TBC1D10B: variants seen among roughly 807,000 people sequenced by gnomAD.
TBC1D10B encodes the protein TBC1 domain family member 10B.
A neutral mutation model predicts 78.4 loss-of-function variants in TBC1D10B; 25 were observed. The observed-to-expected ratio is 0.32, with a 90% confidence interval of 0.23 to 0.45. The LOEUF is 0.45. Ranked by LOEUF, TBC1D10B falls within the 20% of genes least tolerant of loss-of-function variation. The pLI is 1.00. For missense variants in TBC1D10B, 996 were observed against 1,104.8 expected, an observed-to-expected ratio of 0.90 and a Z score of 1.40; for synonymous variants, 517 against 478.0, an observed-to-expected ratio of 1.08 and a Z score of -1.06.
At chr16:30,361,550 C>G (rs1005658819) in intron 4 of TBC1D10B, among the ~76,000 whole-genome samples, 3 of 151,980 alleles carry the variant, frequency 2.0e-5, no homozygotes, top group Non-Finnish European at 2.9e-5. Flanking sequence ...CTGCCTCAGC[C>G]TCCCTATAAA....
intron 5 of TBC1D10B, 24 bp downstream of exon 5, chr16:30,359,703 C>A: frequency 6.4e-7 from 1 of 1,558,630 alleles, no homozygotes. Context: ...CCTGCCCCTC[C>A]CGGCCCAGGA....
chr16:30,365,210 C>T lies in TBC1D10B; in HGVS notation c.1059G>A (p.Val353=). The T allele has an allele frequency of 6.2e-7, 1 of 1,613,798 alleles. No homozygotes were observed. The highest frequency in any genetic ancestry group is 2.2e-5 in the East Asian group (1 of 44,894). The change falls in exon 3 of 9, where the codon GTG becomes GTA. Residue 353 remains valine (V), a splice_region_variant and synonymous_variant. Coordinates refer to ENST00000409939, the MANE Select transcript of TBC1D10B (RefSeq NM_015527.4). The surrounding 1 kb of genome is among the most constrained non-coding windows in gnomAD (Gnocchi z 5.0). ...GGATCCCCTTCCGGCAGCGCAGCTT[C>T]ACCTAAGGCAAAGTGGCAGGAGGGG... ...DKWLSRRFQK[V]KLRCRKGIPS...
intron 1 of TBC1D10B, among the ~76,000 whole-genome samples, chr16:30,368,190 G>A (rs1340183888): frequency 1.3e-5 from 2 of 152,122 alleles, no homozygotes; most frequent in African/African-American, 4.8e-5. Context: ...ACCCTGCCTG[G>A]AAAACTCTCC....
Position 30,364,990 on chromosome 16 carries a change from G to A in TBC1D10B, c.1181C>T (p.Pro394Leu), listed in dbSNP as rs903956196. ...CACATCCAGCCACTTGGGGTCCCCA[G>A]GAGCCCGTTCCAGCTCCTGCAGTGG... is the stretch of plus-strand genomic sequence containing the variant. ...PGKFEELERAPGDPKWLDVIE... is the reference protein window; with the variant it reads ...PGKFEELERALGDPKWLDVIE... The change falls in exon 4 of 9, where the codon CCT (proline) becomes CTT (leucine). Residue 394 changes from proline (P) to leucine (L), a missense_variant. By Grantham distance (98) the Pro-to-Leu change is moderately conservative (BLOSUM62 -3). Coordinates refer to ENST00000409939, the MANE Select transcript of TBC1D10B (RefSeq NM_015527.4). 2 of 1,613,326 alleles carry A rather than the reference G, an allele frequency of 1.2e-6. No individual in the cohort carries two copies. The highest frequency in any genetic ancestry group is 1.3e-5 in the African/African-American group (1 of 74,988).
rs776610328 is a variant in TBC1D10B, at chr16:30,365,078, G to A, written c.1164+27C>T. 1.2e-6 allele frequency: 2 copies of A among 1,612,770 alleles called. No individual in the cohort carries two copies. The highest frequency in any genetic ancestry group is 1.7e-6 in the Non-Finnish European group (2 of 1,178,812). ...ACCCCTTGCACAGACAGGGCCACAT[G>A]TCCCCACACCTTGGAGCTGCACGCA... On this transcript the variant is annotated intron_variant, in intron 3 of 8. Coordinates refer to ENST00000409939, the MANE Select transcript of TBC1D10B (RefSeq NM_015527.4). This position sits in a 1 kb window ranked among gnomAD's most constrained non-coding sequence, Gnocchi z 5.0.
intron 1 of TBC1D10B, among the ~76,000 whole-genome samples, chr16:30,368,675 T>A (rs979015728): frequency 7.2e-5 from 11 of 152,148 alleles, no homozygotes; most frequent in African/African-American, 2.7e-4. Context: ...AAGACTGCCC[T>A]GTTTCACAGC....
In TBC1D10B at chr16:30,359,427, C is replaced by T. The variant is rs1302035727; in HGVS notation, c.1453-66G>A. On this transcript the variant is annotated intron_variant, in intron 6 of 8. Transcript: ENST00000409939. ...TGTGCCCCCATCAGGGGAGAACTGG[C>T]CGGCCCTGTGGGCAGAAGCCGGGAA... The T allele has an allele frequency of 2.6e-6, 4 of 1,545,754 alleles. No individual in the cohort carries two copies. The East Asian group carries it at 9.8e-5, about 38-fold the overall frequency.
In TBC1D10B at chr16:30,365,297, T is replaced by C; in HGVS notation, c.1057-85A>G. ...CCCAGCAGTCCACAAACTCCCTGGA[T>C]ACTCCTCCGACATCCCATAGGCTTG... On this transcript the variant is annotated intron_variant, in intron 2 of 8. Coordinates refer to ENST00000409939, the MANE Select transcript of TBC1D10B (RefSeq NM_015527.4). The surrounding 1 kb of genome is among the most constrained non-coding windows in gnomAD (Gnocchi z 5.0). 5 of 1,330,298 alleles carry C rather than the reference T, an allele frequency of 3.8e-6. No individual in the cohort carries two copies. Among genetic ancestry groups the C allele is most frequent in the Non-Finnish European group, 5.3e-6 (5 of 935,328 alleles). 82.4% of individuals were successfully genotyped at this position (1,330,298 alleles called of 1,614,324 possible). A position where few individuals can be genotyped will look rare whatever the true frequency, so the allele number is the denominator to read the frequency against.
intron 4 of TBC1D10B, chr16:30,360,347 C>T (rs574214953): frequency 6.4e-4 from 103 of 159,982 alleles, no homozygotes; most frequent in Non-Finnish European, 1.2e-3. Context: ...CTTGAGGGTG[C>T]CCCACTGCCG....
intron 4 of TBC1D10B, among the ~76,000 whole-genome samples, chr16:30,362,300 A>T (rs1183069975): frequency 1.3e-5 from 2 of 152,188 alleles, no homozygotes; most frequent in African/African-American, 4.8e-5. Flanking sequence ...ACTGTTTTTA[A>T]CATGGTCACT....
chr16:30,358,165 G>C lies in TBC1D10B; in HGVS notation c.2206C>G (p.Gln736Glu), dbSNP rs1253469656. Residue 736 changes from glutamine (Q) to glutamate (E), a missense_variant, in exon 9 of 9, where the codon CAG becomes GAG. This residue lies in a region of TBC1D10B where 285 missense variants were observed against 252.5 expected (regional missense o/e 1.13). Coordinates refer to ENST00000409939, the MANE Select transcript of TBC1D10B (RefSeq NM_015527.4). ...TTCTCCCGCTCCTTCTCCTGTTTCT[G>C]CCGCTCCTTCTCCTGTTTCTGCCGC... ...KERQKQEKER[Q>E]KQEKEREKER... 4 of 1,549,558 alleles carry C rather than the reference G, an allele frequency of 2.6e-6. No homozygotes were observed. The highest frequency in any genetic ancestry group is 3.5e-6 in the Non-Finnish European group (4 of 1,145,388).
chr16:30,361,077 G>A (rs933653912), intron 4 of TBC1D10B, among the ~76,000 whole-genome samples: 6 of 152,190 alleles, frequency 3.9e-5, no homozygotes, highest in Non-Finnish European at 8.8e-5. Flanking sequence ...CTGAGGTCAG[G>A]AGTTCGAGAC....
In TBC1D10B at chr16:30,369,386, C is replaced by G; in HGVS notation, c.798G>C (p.Thr266=). 1 of 1,590,732 alleles carries G rather than the reference C, an allele frequency of 6.3e-7. No individual in the cohort carries two copies. Among genetic ancestry groups the G allele is most frequent in the Non-Finnish European group, 8.6e-7 (1 of 1,168,730 alleles). ...ISGPRGQAPD[T]LSYLDSVSLM... is the part of the protein sequence containing the mutation. ...GGCTCACGGAGTCCAAGTAACTCAG[C>G]GTGTCCGGGGCCTGCCCTCGAGGCC... is the stretch of plus-strand genomic sequence containing the variant. The change falls in exon 1 of 9, where the codon ACG becomes ACC. Residue 266 remains threonine (T), a synonymous_variant. Coordinates refer to ENST00000409939, the MANE Select transcript of TBC1D10B (RefSeq NM_015527.4). This position sits in a 1 kb window ranked among gnomAD's most constrained non-coding sequence, Gnocchi z 4.3.
In TBC1D10B at chr16:30,358,702, C is replaced by T. The variant is rs1201240319; in HGVS notation, c.1758G>A (p.Leu586=). The change falls in exon 8 of 9, where the codon CTG becomes CTA. Residue 586 remains leucine (L), a synonymous_variant. Transcript: ENST00000409939. ...AGTCTTCCTGCATGCACTGCTGGGG[C>T]AGGTTACGCAGCTGCTCCATGGTCT... is the stretch of plus-strand genomic sequence containing the variant. ...MYETMEQLRN[L]PQQCMQEDFL... is the part of the protein sequence containing the mutation. 2 of 1,609,926 alleles carry T rather than the reference C, an allele frequency of 1.2e-6. No homozygotes were observed. The highest frequency in any genetic ancestry group is 1.7e-6 in the Non-Finnish European group (2 of 1,177,268).
chr16:30,367,447 C>T (rs2049645358), intron 1 of TBC1D10B: 1 of 152,186 alleles, frequency 6.6e-6, no homozygotes, highest in African/African-American at 2.4e-5. Flanking sequence ...AAGAAGGTTA[C>T]AGCCTAAGAG....
Position 30,359,621 on chromosome 16 carries a change from AAGG to A in TBC1D10B, c.1387-21_1387-19del, listed in dbSNP as rs2151100812. 8 of 1,558,332 alleles carry A rather than the reference AAGG, an allele frequency of 5.1e-6. No individual in the cohort carries two copies. In the South Asian group the frequency reaches 7.1e-5, roughly 14 times the overall value. ...AAGGCTTGCTGAGAAGAGCAAGAAC[AAGG>A]AGGAGGGGTGGGGCCTGAGAAGCAG... On this transcript the variant is annotated intron_variant, in intron 5 of 8. Transcript: ENST00000409939.
chr16:30,357,513 A>T lies in TBC1D10B; in HGVS notation c.*431T>A, dbSNP rs1328212452. 9.2e-6 allele frequency: 2 copies of T among 216,430 alleles called. No homozygotes were observed. The highest frequency in any genetic ancestry group is 2.3e-5 in the African/African-American group (1 of 44,296). 13.4% of individuals were successfully genotyped at this position (216,430 alleles called of 1,614,324 possible). ...AATTACAACACAGGTCCAGAATGAG[A>T]GCCCTGGCCAGGAAGTGGGGGAGAC... is the stretch of plus-strand genomic sequence containing the variant. On this transcript the variant is annotated 3_prime_UTR_variant, in exon 9 of 9. Coordinates refer to ENST00000409939, the MANE Select transcript of TBC1D10B (RefSeq NM_015527.4).
rs181137970 is a variant in TBC1D10B, at chr16:30,362,048, A to C, written c.1272-2207T>G. 7.1e-4 allele frequency among the ~76,000 whole-genome samples: 108 copies of C among 151,430 alleles called. 2 individuals are homozygous for C. The East Asian group carries it at 0.013, about 18-fold the overall frequency. The stretch of plus-strand genomic sequence containing the variant: ...TTTTTTTAGTAGAGACGGGAGTTTC[A>C]CCGTGTTAGCCAGGATGGTCTCGAA... On this transcript the variant is annotated intron_variant, in intron 4 of 8. Coordinates refer to ENST00000409939, the MANE Select transcript of TBC1D10B (RefSeq NM_015527.4).
chr16:30,358,782 G>A lies in TBC1D10B; in HGVS notation c.1678C>T (p.Leu560=), dbSNP rs1390247296. 1 of 1,609,314 alleles carries A rather than the reference G, an allele frequency of 6.2e-7. No homozygotes were observed. Residue 560 remains leucine, a synonymous_variant, in exon 8 of 9, where the codon CTG becomes TTG. Transcript: ENST00000409939. ...KIIFRVALVL[L]RHTLGSVEKL... is the part of the protein sequence containing the mutation. Reference sequence around the variant, plus strand: ...TCCACTGAGCCCAGCGTGTGGCGCAGCAGGACCAGGGCCACCCGGAAGATG... The same window carrying A: ...TCCACTGAGCCCAGCGTGTGGCGCAACAGGACCAGGGCCACCCGGAAGATG...
Sources: allele counts gnomAD v4.1 joint callset (sites outside exome capture counted in the v4.1 genomes callset), GRCh38; gene constraint gnomAD v4.1.1; regional missense constraint gnomAD v4.1.1; non-coding constraint Gnocchi (gnomAD v3.1); transcripts MANE v1.5; gene names NCBI Gene and HGNC (gene_info 2026-07-23, HGNC 2026-07-21).